Variants in BABAM2 observed in about 807,000 individuals in gnomAD.
The protein encoded by BABAM2 is BRISC and BRCA1 A complex member 2, also known as BRISC and BRCA1-A complex member 2.
BABAM2 carries 31 observed loss-of-function variants against 54.7 expected under a neutral mutation model. That is an observed-to-expected ratio of 0.57 (90% CI 0.43 to 0.77). The LOEUF (loss-of-function observed/expected upper bound fraction) is 0.77. BABAM2 is among the 30% of genes least tolerant of loss of function. BABAM2 has a pLI of 0.00. For missense variants in BABAM2, 364 were observed against 455.8 expected (o/e 0.80, Z 1.83); for synonymous variants, 167 against 162.9 (o/e 1.03, Z -0.19).
intron 7 of BABAM2, among the ~76,000 whole-genome samples, chr2:28,206,651 A>G (rs2147972559): frequency 6.6e-6 from 1 of 152,284 alleles, no homozygotes; most frequent in African/African-American, 2.4e-5. Context: ...ATCCAGAGGA[A>G]GGGGCATCTG....
At position 27,993,905 on chromosome 2, in the gene BABAM2, C is replaced by T. The variant is rs141680612; in HGVS notation, c.300+5818C>T. 3.6e-3 allele frequency among the ~76,000 whole-genome samples: 550 copies of T among 152,186 alleles called. 6 individuals are homozygous for T. The highest frequency in any genetic ancestry group is 0.011 in the African/African-American group (447 of 41,514). Reference sequence around the variant, plus strand: ...GTGTCCTTGCAAAATAGTTCCCATCCCCAGTATACACAAAATATATACAAA... The same window carrying T: ...GTGTCCTTGCAAAATAGTTCCCATCTCCAGTATACACAAAATATATACAAA... On this transcript the variant is annotated intron_variant, in intron 4 of 11. Transcript: ENST00000379624.
At chr2:28,284,214 T>C (rs1354671479) in intron 10 of BABAM2, among the ~76,000 whole-genome samples, 1 of 152,160 alleles carries the variant, frequency 6.6e-6, no homozygotes, top group East Asian at 1.9e-4. Flanking sequence ...TCAGAATTGC[T>C]ATCAAAGAGG....
intron 2 of BABAM2, among the ~76,000 whole-genome samples, chr2:27,929,446 G>A (rs971535557): frequency 1.3e-5 from 2 of 152,064 alleles, no homozygotes; most frequent in African/African-American, 4.8e-5. Flanking sequence ...CAGAATGAAA[G>A]CTAAGAGTCC....
intron 11 of BABAM2, among the ~76,000 whole-genome samples, chr2:28,326,945 A>G (rs778633582): frequency 2.5e-4 from 38 of 151,660 alleles, no homozygotes; most frequent in Non-Finnish European, 3.2e-4. Context: ...ACAACATTCT[A>G]TCATTCTAAA....
chr2:27,957,792 C>A (rs921721051), intron 3 of BABAM2, among the ~76,000 whole-genome samples: 2 of 152,074 alleles, frequency 1.3e-5, no homozygotes, highest in Non-Finnish European at 2.9e-5. Flanking sequence ...ATTATTTTGG[C>A]CAACAGAATA....
intron 2 of BABAM2, among the ~76,000 whole-genome samples, chr2:27,925,091 T>C (rs1403004292): frequency 2.0e-5 from 3 of 152,192 alleles, no homozygotes; most frequent in Admixed American, 6.5e-5. Context: ...TTGACTTGAG[T>C]GTGCTTTTGG....
At chr2:27,980,250 A>T (rs536378460) in intron 3 of BABAM2, among the ~76,000 whole-genome samples, 1 of 152,182 alleles carries the variant, frequency 6.6e-6, no homozygotes, top group South Asian at 2.1e-4. Flanking sequence ...CCATTTTATG[A>T]AAAGTTGGAG....
chr2:28,185,303 G>T (rs188162185), intron 7 of BABAM2, among the ~76,000 whole-genome samples: 3 of 152,014 alleles, frequency 2.0e-5, no homozygotes, highest in African/African-American at 7.2e-5. Flanking sequence ...TTTGTGTTTG[G>T]GTCTGTTTCT....
Position 27,926,185 on chromosome 2 carries a change from A to G in BABAM2, c.129-3647A>G, listed in dbSNP as rs186043704. On this transcript the variant is annotated intron_variant, in intron 2 of 11. Transcript: ENST00000379624. The stretch of plus-strand genomic sequence containing the variant: ...CTAAAAACCCTGCTTTGTGCTTGGC[A>G]TAAAAGCTGAATGAATTGCAACCAC... Among the ~76,000 whole-genome samples the G allele has an allele frequency of 2.7e-3, 410 of 151,916 alleles. 1 individual carries two copies. The highest frequency in any genetic ancestry group is 4.4e-3 in the Non-Finnish European group (301 of 67,958).
intron 7 of BABAM2, among the ~76,000 whole-genome samples, chr2:28,213,168 T>A (rs1039781200): frequency 5.3e-5 from 8 of 151,788 alleles, no homozygotes; most frequent in African/African-American, 1.7e-4. Flanking sequence ...TGGAGGTTGC[T>A]GTGAGCCCAG....
At chr2:28,222,230 T>A (rs891759839) in intron 7 of BABAM2, among the ~76,000 whole-genome samples, 5 of 152,190 alleles carry the variant, frequency 3.3e-5, no homozygotes, top group Non-Finnish European at 7.3e-5. Flanking sequence ...GTACTAGGAA[T>A]CCTGAGAGTT....
intron 7 of BABAM2, among the ~76,000 whole-genome samples, chr2:28,192,135 C>T (rs988574033): frequency 1.3e-4 from 20 of 151,964 alleles, no homozygotes; most frequent in African/African-American, 4.6e-4. Context: ...CCTGGGTTCA[C>T]GCTATTCTCC....
intron 7 of BABAM2, among the ~76,000 whole-genome samples, chr2:28,165,082 A>C (rs1673502398): frequency 6.6e-6 from 1 of 152,198 alleles, no homozygotes; most frequent in African/African-American, 2.4e-5. Context: ...TTCTGGGTGC[A>C]GAGGAATCAG....
At chr2:28,029,402 T>C (rs1676132879) in intron 5 of BABAM2, among the ~76,000 whole-genome samples, 1 of 152,226 alleles carries the variant, frequency 6.6e-6, no homozygotes, top group African/African-American at 2.4e-5. Flanking sequence ...CTATTTTATG[T>C]TTCTATGGTT....
chr2:27,951,464 T>C (rs1669712819), intron 3 of BABAM2, among the ~76,000 whole-genome samples: 2 of 152,184 alleles, frequency 1.3e-5, no homozygotes, highest in South Asian at 4.1e-4. Flanking sequence ...TTTAAGTTTA[T>C]TGTGGTCAGA....
intron 4 of BABAM2, among the ~76,000 whole-genome samples, chr2:28,001,761 G>A (rs1428578559): frequency 1.3e-5 from 2 of 151,826 alleles, no homozygotes; most frequent in Non-Finnish European, 2.9e-5. Context: ...AGAGAGGAGG[G>A]GGGTGCTACA....
intron 10 of BABAM2, among the ~76,000 whole-genome samples, chr2:28,267,984 G>C (rs1685124363): frequency 6.6e-6 from 1 of 152,172 alleles, no homozygotes. Flanking sequence ...TTATACAACT[G>C]TGAAAATGAC....
At chr2:27,998,496 A>G (rs1397465135) in intron 4 of BABAM2, among the ~76,000 whole-genome samples, 7 of 151,716 alleles carry the variant, frequency 4.6e-5, no homozygotes, top group African/African-American at 1.7e-4. Flanking sequence ...TTTATATATT[A>G]TCATAAGCAT....
chr2:28,129,257 A>T lies in BABAM2; in HGVS notation c.571-14A>T. Reference sequence around the variant, plus strand: ...GAACAGGTGCTGATGTTGTGTTTTCACTTCTTGTTTAAGGATGTAAATGAA... The same window carrying T: ...GAACAGGTGCTGATGTTGTGTTTTCTCTTCTTGTTTAAGGATGTAAATGAA... On this transcript the variant is annotated splice_polypyrimidine_tract_variant and intron_variant, in intron 6 of 11. Coordinates refer to ENST00000379624, the MANE Select transcript of BABAM2 (RefSeq NM_199191.3). 3.7e-6 allele frequency: 6 copies of T among 1,600,982 alleles called. No individual in the cohort carries two copies. Among genetic ancestry groups the T allele is most frequent in the Non-Finnish European group, 5.1e-6 (6 of 1,168,142 alleles).
Sources: gnomAD v4.1 joint callset for allele counts (sites outside exome capture counted in the v4.1 genomes callset) on GRCh38, gnomAD v4.1.1 for gene constraint, MANE v1.5 for transcripts, NCBI Gene and HGNC (gene_info 2026-07-23, HGNC 2026-07-21) for gene names.